Variants in RHOV observed in about 807,000 individuals in gnomAD.
RHOV encodes ras homolog family member V.
Under a neutral mutation model 20.2 loss-of-function variants are expected in RHOV, and 6 were observed. The observed-to-expected ratio is 0.30, with a 90% CI of 0.16 to 0.59. The LOEUF (loss-of-function observed/expected upper bound fraction) is 0.59. Ranked by LOEUF, RHOV falls within the 20% of genes least tolerant of loss-of-function variation. The probability of loss-of-function intolerance (pLI) is 0.89; values close to 1 mark genes in which losing one functional copy is unlikely to be tolerated. For missense variants in RHOV, 275 were observed against 319.4 expected, an observed-to-expected ratio of 0.86 and a Z score of 1.06; for synonymous variants, 136 against 142.3, an observed-to-expected ratio of 0.96 and a Z score of 0.31.
chr15:40,873,568 G>A, intron 2 of RHOV, 67 bp from the exon 3 acceptor site: 1 of 1,587,360 alleles, frequency 6.3e-7, no homozygotes, highest in Non-Finnish European at 8.6e-7. Flanking sequence ...CTCACCCGGG[G>A]CTGGAAACCT....
In RHOV at chr15:40,873,221, T is replaced by C; in HGVS notation, c.548A>G (p.Tyr183Cys). Residue 183 changes from tyrosine to cysteine, a missense_variant, in exon 3 of 3, where the codon TAC becomes TGC. Transcript: ENST00000220507. ...CTGCGTCAAGGCTGAGCACTCAAGG[T>C]AGCAGCAGGCTCGGATCTTCTCGGC... Reference protein sequence around the residue: ...GLAEKIRACCYLECSALTQKN... With the variant: ...GLAEKIRACCCLECSALTQKN... 1 of 1,614,180 alleles carries C rather than the reference T, an allele frequency of 6.2e-7. No homozygotes were observed. Among genetic ancestry groups the C allele is most frequent in the Non-Finnish European group, 8.5e-7 (1 of 1,180,016 alleles).
At position 40,874,163 on chromosome 15, in the gene RHOV, G is replaced by T; in HGVS notation, c.-24C>A. 3 of 1,100,592 alleles carry T rather than the reference G, an allele frequency of 2.7e-6. No individual in the cohort carries two copies. Among genetic ancestry groups the T allele is most frequent in the South Asian group, 2.5e-5 (1 of 40,752 alleles). 68.2% of individuals were successfully genotyped at this position (1,100,592 alleles called of 1,614,324 possible). A position where few individuals can be genotyped will look rare whatever the true frequency, so the allele number is the denominator to read the frequency against. ...ATGGCCCGCTCCGGGGGCAGCAGAG[G>T]GGCCAGCCCGGGTCTCGGCTTCGCT... is the stretch of plus-strand genomic sequence containing the variant. On this transcript the variant is annotated 5_prime_UTR_variant, in exon 1 of 3. Coordinates refer to ENST00000220507, the MANE Select transcript of RHOV (RefSeq NM_133639.4).
At chr15:40,873,827 C>T (rs1323747680) in intron 1 of RHOV, 85 bp from the exon 2 acceptor site, 1 of 1,547,814 alleles carries the variant, frequency 6.5e-7, no homozygotes, top group Non-Finnish European at 8.8e-7. Context: ...CTCCAGTCTC[C>T]TCCCCGGGGT....
At position 40,873,936 on chromosome 15, in the gene RHOV, G is replaced by C; in HGVS notation, c.204C>G (p.Phe68Leu). 1 of 1,610,400 alleles carries C rather than the reference G, an allele frequency of 6.2e-7. No homozygotes were observed. Among genetic ancestry groups the C allele is most frequent in the Non-Finnish European group, 8.5e-7 (1 of 1,178,472 alleles). ...ARYRPTALDT[F>L]SVQVLVDGAP... ...CGGGCGATTGAACGTACGTACCAGAGAAGGTGTCCAGCGCAGTGGGCCGGT... is the reference window on the plus strand; with the variant it reads ...CGGGCGATTGAACGTACGTACCAGACAAGGTGTCCAGCGCAGTGGGCCGGT... The change falls in exon 1 of 3, where the codon TTC becomes TTG. Residue 68 changes from phenylalanine (F) to leucine (L), a missense_variant. Coordinates refer to ENST00000220507, the MANE Select transcript of RHOV (RefSeq NM_133639.4).
Position 40,873,520 on chromosome 15 carries a change from G to A in RHOV, c.268-19C>T, listed in dbSNP as rs1256231166. 8.2e-5 allele frequency: 130 copies of A among 1,594,550 alleles called. No individual in the cohort carries two copies. Among genetic ancestry groups the A allele is most frequent in the Non-Finnish European group, 1.1e-4 (130 of 1,170,160 alleles). ...AATCCTCCTGGGGTGGGAAGGCCAG[G>A]TGGTAAGGATTAGCCCCCCGACACA... is the stretch of plus-strand genomic sequence containing the variant. On this transcript the variant is annotated intron_variant, in intron 2 of 2. Transcript: ENST00000220507.
At chr15:40,873,564 C>G in intron 2 of RHOV, 63 bp from the exon 3 acceptor site, 2 of 1,590,408 alleles carry the variant, frequency 1.3e-6, no homozygotes, top group African/African-American at 1.3e-5. Flanking sequence ...ATTTCTCACC[C>G]GGGGCTGGAA....
In RHOV at chr15:40,873,225, A is replaced by C; in HGVS notation, c.544T>G (p.Cys182Gly). Residue 182 changes from cysteine to glycine, a missense_variant, in exon 3 of 3, where the codon TGC (cysteine) becomes GGC (glycine). Coordinates refer to ENST00000220507, the MANE Select transcript of RHOV (RefSeq NM_133639.4). The stretch of plus-strand genomic sequence containing the variant: ...GTCAAGGCTGAGCACTCAAGGTAGC[A>C]GCAGGCTCGGATCTTCTCGGCCAGA... Reference protein sequence around the residue: ...QGLAEKIRACCYLECSALTQK... With the variant: ...QGLAEKIRACGYLECSALTQK... 1 of 1,614,216 alleles carries C rather than the reference A, an allele frequency of 6.2e-7. No individual in the cohort carries two copies. The highest frequency in any genetic ancestry group is 8.5e-7 in the Non-Finnish European group (1 of 1,180,022).
In RHOV at chr15:40,873,103, G is replaced by A; in HGVS notation, c.666C>T (p.Arg222=). The change falls in exon 3 of 3, where the codon CGC becomes CGT. Residue 222 remains arginine (R), a synonymous_variant. Coordinates refer to ENST00000220507, the MANE Select transcript of RHOV (RefSeq NM_133639.4). ...LEKKLNAKGV[R]TLSRCRWKKF... ...TCTTCCAGCGGCAGCGGGAGAGGGT[G>A]CGCACACCTTTGGCATTCAGTTTCT... 16 of 1,614,224 alleles carry A rather than the reference G, an allele frequency of 9.9e-6. No individual in the cohort carries two copies. Among genetic ancestry groups the A allele is most frequent in the Non-Finnish European group, 1.4e-5 (16 of 1,180,010 alleles).
In RHOV at chr15:40,873,105, G is replaced by A; in HGVS notation, c.664C>T (p.Arg222Cys). Reference sequence around the variant, plus strand: ...TTCCAGCGGCAGCGGGAGAGGGTGCGCACACCTTTGGCATTCAGTTTCTTC... The same window carrying A: ...TTCCAGCGGCAGCGGGAGAGGGTGCACACACCTTTGGCATTCAGTTTCTTC... ...LEKKLNAKGV[R>C]TLSRCRWKKF... The change falls in exon 3 of 3, where the codon CGC becomes TGC. Residue 222 changes from arginine to cysteine, a missense_variant. Transcript: ENST00000220507. 2 of 1,614,200 alleles carry A rather than the reference G, an allele frequency of 1.2e-6. No homozygotes were observed. The highest frequency in any genetic ancestry group is 1.7e-6 in the Non-Finnish European group (2 of 1,180,002).
At position 40,873,903 on chromosome 15, in the gene RHOV, C is replaced by T. The variant is rs772638512; in HGVS notation, c.208+29G>A. On this transcript the variant is annotated intron_variant, in intron 1 of 2. Transcript: ENST00000220507. ...GGTGCACAGCCCCGCCGCAGCCACG[C>T]GGCCGCACGGGCGATTGAACGTACG... The T allele has an allele frequency of 2.5e-6, 4 of 1,588,210 alleles. No individual in the cohort carries two copies. In the East Asian group the frequency reaches 9.0e-5, roughly 36 times the overall value.
intron 1 of RHOV, 24 bp from the exon 2 acceptor site, chr15:40,873,766 C>T (rs376125367): frequency 6.2e-7 from 1 of 1,610,842 alleles, no homozygotes; most frequent in Non-Finnish European, 8.5e-7. Context: ...GCGGGGAGAG[C>T]CTGAGTTAGG....
chr15:40,874,020 G>A lies in RHOV; in HGVS notation c.120C>T (p.Gly40=). 1.2e-6 allele frequency: 2 copies of A among 1,603,608 alleles called. No homozygotes were observed. The highest frequency in any genetic ancestry group is 1.7e-6 in the Non-Finnish European group (2 of 1,176,378). Residue 40 remains glycine, a synonymous_variant, in exon 1 of 3, where the codon GGC becomes GGT. Transcript: ENST00000220507. ...LGIKCVLVGD[G]AVGKSSLIVS... is the part of the protein sequence containing the mutation. ...CGATGAGGCTGCTCTTGCCCACGGC[G>A]CCGTCGCCCACCAGCACGCACTTGA...
chr15:40,872,974 A>C lies in RHOV; in HGVS notation c.*84T>G. On this transcript the variant is annotated 3_prime_UTR_variant, in exon 3 of 3. Transcript: ENST00000220507. ...TCCTATGAGGTGGCCAGGCCCTGCCAGTAGCTGCCGCAAAGGCCCGGGTGC... is the reference window on the plus strand; with the variant it reads ...TCCTATGAGGTGGCCAGGCCCTGCCCGTAGCTGCCGCAAAGGCCCGGGTGC... The C allele has an allele frequency of 9.5e-7, 1 of 1,048,048 alleles. No homozygotes were observed. Among genetic ancestry groups the C allele is most frequent in the Non-Finnish European group, 1.4e-6 (1 of 696,600 alleles). 64.9% of individuals were successfully genotyped at this position (1,048,048 alleles called of 1,614,324 possible). A position where few individuals can be genotyped will look rare whatever the true frequency, so the allele number is the denominator to read the frequency against.
At position 40,872,792 on chromosome 15, in the gene RHOV, G is replaced by C. The variant is rs1031192278; in HGVS notation, c.*266C>G. 1 of 469,488 alleles carries C rather than the reference G, an allele frequency of 2.1e-6. No individual in the cohort carries two copies. The highest frequency in any genetic ancestry group is 2.0e-5 in the African/African-American group (1 of 50,496). The allele number at this position is 469,488 out of a possible 1,614,324, so 29.1% of individuals were successfully genotyped here. On this transcript the variant is annotated 3_prime_UTR_variant, in exon 3 of 3. Coordinates refer to ENST00000220507, the MANE Select transcript of RHOV (RefSeq NM_133639.4). ...AAACTGCTCGGAGGTGACTGACCCT[G>C]TTAGGACCATCCCATGAAAATCAAA... is the stretch of plus-strand genomic sequence containing the variant.
Position 40,873,940 on chromosome 15 carries a change from G to C in RHOV, c.200C>G (p.Thr67Ser). ...PARYRPTALD[T>S]FSVQVLVDGA... is the part of the protein sequence containing the mutation. ...CGATTGAACGTACGTACCAGAGAAG[G>C]TGTCCAGCGCAGTGGGCCGGTAGCG... The change falls in exon 1 of 3, where the codon ACC (threonine) becomes AGC (serine). Residue 67 changes from threonine to serine, a missense_variant. By Grantham distance (58) the Thr-to-Ser change is moderately conservative. Coordinates refer to ENST00000220507, the MANE Select transcript of RHOV (RefSeq NM_133639.4). The C allele has an allele frequency of 6.2e-7, 1 of 1,610,740 alleles. No homozygotes were observed. The highest frequency in any genetic ancestry group is 8.5e-7 in the Non-Finnish European group (1 of 1,178,680).
Position 40,873,361 on chromosome 15 carries a change from C to T in RHOV, c.408G>A (p.Ala136=). 1.9e-6 allele frequency: 3 copies of T among 1,613,144 alleles called. No homozygotes were observed. Among genetic ancestry groups the T allele is most frequent in the Non-Finnish European group, 1.7e-6 (2 of 1,179,976 alleles). The change falls in exon 3 of 3, where the codon GCG becomes GCA. Residue 136 remains alanine, a synonymous_variant. Coordinates refer to ENST00000220507, the MANE Select transcript of RHOV (RefSeq NM_133639.4). ...CCTGGGTGCCCACCAGCAGCACAGG[C>T]GCCTGGGGGTTGTGCGTGCGGATCT... The part of the protein sequence containing the change: ...LPEIRTHNPQ[A]PVLLVGTQAD...
chr15:40,873,310 T>C lies in RHOV; in HGVS notation c.459A>G (p.Val153=). ...GGCCCCCCTGGTCCAGCTGAATTAG[T>C]ACGTTGACATCGTCCCTCAGGTCGG... is the stretch of plus-strand genomic sequence containing the variant. ...TQADLRDDVN[V]LIQLDQGGRE... is the part of the protein sequence containing the mutation. Residue 153 remains valine, a synonymous_variant, in exon 3 of 3, where the codon GTA becomes GTG. Coordinates refer to ENST00000220507, the MANE Select transcript of RHOV (RefSeq NM_133639.4). The C allele has an allele frequency of 6.2e-7, 1 of 1,613,514 alleles. No individual in the cohort carries two copies. Among genetic ancestry groups the C allele is most frequent in the Non-Finnish European group, 8.5e-7 (1 of 1,179,976 alleles).
In RHOV at chr15:40,873,991, C is replaced by G; in HGVS notation, c.149G>C (p.Ser50Thr). ...GAVGKSSLIV[S>T]YTCNGYPARY... Reference sequence around the variant, plus strand: ...CGCGGGGTACCCATTGCAGGTGTAGCTGACGATGAGGCTGCTCTTGCCCAC... The same window carrying G: ...CGCGGGGTACCCATTGCAGGTGTAGGTGACGATGAGGCTGCTCTTGCCCAC... Residue 50 changes from serine to threonine, a missense_variant, in exon 1 of 3, where the codon AGC becomes ACC. By Grantham distance (58) the Ser-to-Thr change is moderately conservative. Transcript: ENST00000220507. The G allele has an allele frequency of 6.2e-7, 1 of 1,610,816 alleles. No homozygotes were observed.
rs1412778968 is a variant in RHOV at position 40,873,731 on chromosome 15, C to G, written c.220G>C (p.Val74Leu). Reference protein sequence around the residue: ...ALDTFSVQVLVDGAPVRIELW... With the variant: ...ALDTFSVQVLLDGAPVRIELW... ...TCAATGCGCACCGGAGCTCCATCCACCAGGACTTGCACTGCAGGGGCGGGG... is the reference window on the plus strand; with the variant it reads ...TCAATGCGCACCGGAGCTCCATCCAGCAGGACTTGCACTGCAGGGGCGGGG... The change falls in exon 2 of 3, where the codon GTG (valine) becomes CTG (leucine). Residue 74 changes from valine to leucine, a missense_variant. Coordinates refer to ENST00000220507, the MANE Select transcript of RHOV (RefSeq NM_133639.4). 1 of 1,613,626 alleles carries G rather than the reference C, an allele frequency of 6.2e-7. No individual in the cohort carries two copies. The highest frequency in any genetic ancestry group is 1.3e-5 in the African/African-American group (1 of 74,938).
Sources: gnomAD v4.1 joint callset for allele counts on GRCh38, gnomAD v4.1.1 for gene constraint, MANE v1.5 for transcripts, NCBI Gene and HGNC (gene_info 2026-07-23, HGNC 2026-07-21) for gene names.